Variants in OSBPL10 observed in about 807,000 individuals in gnomAD.
OSBPL10 encodes the protein oxysterol-binding protein-related protein 10.
In OSBPL10, 49 loss-of-function variants were observed where a neutral mutation model predicts 81.7. The observed-to-expected ratio is 0.60, with a 90% confidence interval of 0.48 to 0.76. The LOEUF (loss-of-function observed/expected upper bound fraction) is 0.76, where lower values mean the gene tolerates loss of function less well. Among genes scored for constraint, OSBPL10 ranks in the 30% least tolerant of loss-of-function variants. OSBPL10 has a pLI of 0.00. For missense variants in OSBPL10, 923 were observed against 987.8 expected (o/e 0.93, Z 0.88); for synonymous variants, 419 against 383.6 (o/e 1.09, Z -1.08).
chr3:31,837,442 A>G (rs529712333), intron 3 of OSBPL10, among the ~76,000 whole-genome samples: 13 of 146,540 alleles, frequency 8.9e-5, no homozygotes, highest in African/African-American at 3.2e-4. Context: ...AAATCTGAAA[A>G]CAAGGAATAA....
intron 6 of OSBPL10, among the ~76,000 whole-genome samples, chr3:31,716,462 C>T (rs577995061): frequency 2.0e-5 from 3 of 152,304 alleles, no homozygotes; most frequent in East Asian, 1.9e-4. Flanking sequence ...CCGAGGCCCT[C>T]CAGGAGATTT....
At chr3:32,071,133 C>A (rs936473077) in intron 1 of OSBPL10, among the ~76,000 whole-genome samples, 9 of 152,168 alleles carry the variant, frequency 5.9e-5, no homozygotes, top group African/African-American at 2.2e-4. Flanking sequence ...TATCAGGTAT[C>A]CCCCTCCAAA....
chr3:31,898,346 A>G (rs1293284477), intron 1 of OSBPL10, among the ~76,000 whole-genome samples: 1 of 152,242 alleles, frequency 6.6e-6, no homozygotes, highest in Non-Finnish European at 1.5e-5. Context: ...ACCACTCCAC[A>G]TTGTATACAT....
At chr3:31,725,571 C>T (rs1012059440) in intron 6 of OSBPL10, among the ~76,000 whole-genome samples, 2 of 152,182 alleles carry the variant, frequency 1.3e-5, no homozygotes, top group Non-Finnish European at 2.9e-5. Flanking sequence ...TGTATAACTA[C>T]AACCACTTAG....
At chr3:31,783,789 T>TAAA (rs869137696) in intron 4 of OSBPL10, among the ~76,000 whole-genome samples, 3 of 19,962 alleles carry the variant, frequency 1.5e-4, no homozygotes, top group African/African-American at 3.1e-4. Flanking sequence ...AGACTCCGAT[T>TAAA]AAAAAAAAAA....
At chr3:32,052,011 C>A (rs1699672886) in intron 1 of OSBPL10, among the ~76,000 whole-genome samples, 1 of 152,010 alleles carries the variant, frequency 6.6e-6, no homozygotes, top group Non-Finnish European at 1.5e-5. Context: ...ATTAGGAAGG[C>A]TGAGGTAGGT....
chr3:31,833,866 A>C (rs1464778230), intron 3 of OSBPL10, among the ~76,000 whole-genome samples: 1 of 152,180 alleles, frequency 6.6e-6, no homozygotes, highest in African/African-American at 2.4e-5. Flanking sequence ...AGATTCACCC[A>C]AGAGCAAAAT....
At chr3:31,664,402 C>A (rs1700140926) in intron 10 of OSBPL10, 170 bp from the exon 11 acceptor site, 2 of 634,790 alleles carry the variant, frequency 3.2e-6, no homozygotes, top group Admixed American at 2.9e-5. Context: ...GAACCCAGGG[C>A]TACCCAGCTC....
At chr3:31,662,499 C>T (rs1700092718) in intron 11 of OSBPL10, 1 of 1,014,938 alleles carries the variant, frequency 9.9e-7, no homozygotes, top group Non-Finnish European at 1.2e-6. Context: ...ACTTCCAGCC[C>T]ACAGGGGAAC....
rs926206547 is a variant in OSBPL10, at chr3:32,062,589, C to T, written n.185+14807G>A. ...ATGCTGGTCCAGACAAAACTCTGAG[C>T]GCAGATAGGGAAACTTGCCTAAGGA... is the stretch of plus-strand genomic sequence containing the variant. On this transcript the variant is annotated intron_variant and non_coding_transcript_variant, in intron 1 of 3. Transcript: ENST00000479173. 7.4e-5 allele frequency among the ~76,000 whole-genome samples: 7 copies of T among 94,504 alleles called. 3 individuals carry two copies. The highest frequency in any genetic ancestry group is 4.9e-4 in the East Asian group (2 of 4,108). 62.0% of individuals were successfully genotyped at this position (94,504 alleles called of 152,430 possible).
chr3:31,877,890 GT>G (rs1016194406), intron 2 of OSBPL10, among the ~76,000 whole-genome samples: 2 of 152,136 alleles, frequency 1.3e-5, no homozygotes, highest in Admixed American at 6.5e-5. Context: ...AGAATTGCCA[GT>G]TTGTGGCAAT....
intron 1 of OSBPL10, among the ~76,000 whole-genome samples, chr3:31,912,801 A>C (rs1696623719): frequency 6.6e-6 from 1 of 152,148 alleles, no homozygotes; most frequent in Non-Finnish European, 1.5e-5. Context: ...AGCAGGCATG[A>C]TGGATGGAGC....
intron 1 of OSBPL10, among the ~76,000 whole-genome samples, chr3:31,900,834 T>G (rs532833937): frequency 2.0e-5 from 3 of 152,244 alleles, no homozygotes; most frequent in Non-Finnish European, 4.4e-5. Flanking sequence ...TACTCTTGTC[T>G]TACATGGAAA....
intron 4 of OSBPL10, among the ~76,000 whole-genome samples, chr3:31,824,877 G>C (rs548244541): frequency 5.3e-5 from 8 of 152,252 alleles, no homozygotes; most frequent in Admixed American, 3.3e-4. Context: ...AAGCCTTCTT[G>C]TACGCTCAAC....
intron 3 of OSBPL10, among the ~76,000 whole-genome samples, chr3:31,872,522 A>C (rs941525465): frequency 6.6e-6 from 1 of 151,464 alleles, no homozygotes; most frequent in Non-Finnish European, 1.5e-5. Flanking sequence ...CCAAGTAAGA[A>C]TATTAAGAAC....
At chr3:31,968,608 C>A (rs545649534) in intron 1 of OSBPL10, among the ~76,000 whole-genome samples, 62 of 151,934 alleles carry the variant, frequency 4.1e-4, no homozygotes, top group Non-Finnish European at 7.6e-4. Flanking sequence ...CTGAAGCATA[C>A]CTTTACGTTC....
intron 1 of OSBPL10, among the ~76,000 whole-genome samples, chr3:31,896,205 A>AC (rs1696052372): frequency 7.6e-6 from 1 of 131,806 alleles, no homozygotes; most frequent in African/African-American, 2.7e-5. Flanking sequence ...TCACACTAAA[A>AC]CCATCACACT....
At position 31,772,594 on chromosome 3, in the gene OSBPL10, G is replaced by T. The variant is rs191553708; in HGVS notation, c.730-24474C>A. Among the ~76,000 whole-genome samples, 149 of 152,318 alleles carry T rather than the reference G, an allele frequency of 9.8e-4. 1 individual carries two copies. Among genetic ancestry groups the T allele is most frequent in the African/African-American group, 3.5e-3 (146 of 41,574 alleles). On this transcript the variant is annotated intron_variant, in intron 4 of 11. Transcript: ENST00000396556. ...ACCCCCTCCAAGGGGCCCCAGAGCT[G>T]AGCTTCTTCCACTGCACTGCACTGC...
chr3:31,884,056 C>T (rs1575598532), intron 1 of OSBPL10, among the ~76,000 whole-genome samples: 1 of 152,242 alleles, frequency 6.6e-6, no homozygotes, highest in Non-Finnish European at 1.5e-5. Context: ...CCTGTTCAAA[C>T]AAATAACTAT....
Sources: allele counts gnomAD v4.1 joint callset (sites outside exome capture counted in the v4.1 genomes callset), GRCh38; gene constraint gnomAD v4.1.1; transcripts MANE v1.5; gene names NCBI Gene and HGNC (gene_info 2026-07-23, HGNC 2026-07-21).